The following KDM4C variants were observed in gnomAD, a reference collection of about 807,000 sequenced individuals.
KDM4C encodes lysine-specific demethylase 4C.
Under a neutral mutation model 129.3 loss-of-function variants are expected in KDM4C, and 81 were observed. The ratio of observed to expected loss-of-function variants is 0.63; its 90% CI spans 0.52 to 0.75. The LOEUF is 0.75. KDM4C is among the 30% of genes least tolerant of loss of function. The pLI is 0.00. For missense variants in KDM4C, 1,457 were observed against 1,304.0 expected, an observed-to-expected ratio of 1.12 and a Z score of -1.81; for synonymous variants, 573 against 456.1, an observed-to-expected ratio of 1.26 and a Z score of -3.26.
At chr9:7,037,340 G>C (rs1027386581) in intron 15 of KDM4C, among the ~76,000 whole-genome samples, 1 of 152,106 alleles carries the variant, frequency 6.6e-6, no homozygotes, top group Non-Finnish European at 1.5e-5. Flanking sequence ...TGAGAATGTT[G>C]GTATTGGCAT....
intron 8 of KDM4C, among the ~76,000 whole-genome samples, chr9:6,938,900 A>G (rs973020380): frequency 5.9e-5 from 9 of 152,104 alleles, no homozygotes; most frequent in African/African-American, 2.2e-4. Context: ...CTCATGTTTC[A>G]TTTATGAGGA....
chr9:7,010,449 C>T (rs1042294327), intron 12 of KDM4C, among the ~76,000 whole-genome samples: 1 of 152,174 alleles, frequency 6.6e-6, no homozygotes, highest in Non-Finnish European at 1.5e-5. Context: ...TCTAATTTGA[C>T]TTTTTCTAAA....
intron 8 of KDM4C, among the ~76,000 whole-genome samples, chr9:6,933,959 C>T (rs1036530698): frequency 6.6e-6 from 1 of 151,952 alleles, no homozygotes; most frequent in Non-Finnish European, 1.5e-5. Context: ...AAGTGATTCT[C>T]CTGCCATAGC....
At chr9:6,999,947 A>G (rs1249939407) in intron 12 of KDM4C, among the ~76,000 whole-genome samples, 3 of 152,234 alleles carry the variant, frequency 2.0e-5, no homozygotes, top group Non-Finnish European at 4.4e-5. Context: ...CTATACTTTC[A>G]TAATAAGCAC....
At chr9:6,844,355 C>T (rs995991561) in intron 4 of KDM4C, among the ~76,000 whole-genome samples, 2 of 152,082 alleles carry the variant, frequency 1.3e-5, no homozygotes, top group African/African-American at 4.8e-5. Context: ...TCTAGCCACC[C>T]CTTCACACAC....
chr9:6,987,497 A>C (rs1321655702), intron 11 of KDM4C, among the ~76,000 whole-genome samples: 1 of 152,260 alleles, frequency 6.6e-6, no homozygotes, highest in African/African-American at 2.4e-5. Flanking sequence ...ATCCAGCCTG[A>C]TTAGGGAATT....
intron 17 of KDM4C, among the ~76,000 whole-genome samples, chr9:7,073,564 T>C (rs1341192709): frequency 6.6e-6 from 1 of 152,230 alleles, no homozygotes; most frequent in Non-Finnish European, 1.5e-5. Flanking sequence ...GTTTCCAGTA[T>C]TTTCCAAGAA....
intron 3 of KDM4C, among the ~76,000 whole-genome samples, chr9:6,812,661 C>T (rs1284608725): frequency 6.6e-6 from 1 of 152,158 alleles, no homozygotes; most frequent in Admixed American, 6.5e-5. Context: ...CCACTGACCT[C>T]CTATGCATCC....
chr9:6,794,389 T>C (rs1364601262), intron 2 of KDM4C, among the ~76,000 whole-genome samples: 3 of 152,174 alleles, frequency 2.0e-5, no homozygotes, highest in African/African-American at 7.2e-5. Flanking sequence ...CTGGGAGGAA[T>C]AGGAAGGTGG....
intron 17 of KDM4C, among the ~76,000 whole-genome samples, chr9:7,052,894 AGAGAGAGC>A (rs1554718517): frequency 1.9e-5 from 2 of 105,468 alleles, no homozygotes; most frequent in African/African-American, 7.0e-5. Flanking sequence ...AGAGAGAGAG[AGAGAGAGC>A]GAGCGAGTGC....
intron 15 of KDM4C, among the ~76,000 whole-genome samples, chr9:7,021,669 C>A (rs1376648495): frequency 6.6e-6 from 1 of 152,074 alleles, no homozygotes; most frequent in African/African-American, 2.4e-5. Context: ...GATGTGATCC[C>A]ATTTATCCAT....
At chr9:6,757,408 C>G (rs1818381865), upstream of KDM4C, among the ~76,000 whole-genome samples, 1 of 152,230 alleles carries the variant, frequency 6.6e-6, no homozygotes, top group Non-Finnish European at 1.5e-5. Context: ...GGCTGACACG[C>G]TCCTGCGCGG....
chr9:7,002,055 G>C (rs183341440), intron 12 of KDM4C, among the ~76,000 whole-genome samples: 2 of 152,098 alleles, frequency 1.3e-5, no homozygotes, highest in Admixed American at 1.3e-4. Context: ...ACCACACCTG[G>C]CTAGTTTTTC....
intron 17 of KDM4C, among the ~76,000 whole-genome samples, chr9:7,049,741 C>T (rs947744749): frequency 6.6e-6 from 1 of 152,184 alleles, no homozygotes; most frequent in South Asian, 2.1e-4. Context: ...AAAATCTTCC[C>T]ATTGGTTTCT....
chr9:6,755,339 C>G (rs1362461145), upstream of KDM4C, among the ~76,000 whole-genome samples: 1 of 152,222 alleles, frequency 6.6e-6, no homozygotes, highest in Non-Finnish European at 1.5e-5. Context: ...CCACTGCACT[C>G]CAGCCTGGGC....
At chr9:7,031,168 T>TTATTTATTTATTTATGTATG (rs1371229395) in intron 15 of KDM4C, among the ~76,000 whole-genome samples, 1 of 78,616 alleles carries the variant, frequency 1.3e-5, no homozygotes, top group African/African-American at 4.5e-5. Context: ...ATTTATTTAT[T>TTATTTATTTATTTATGTATG]TATGTATGTT....
chr9:6,914,561 G>C (rs530707242), intron 8 of KDM4C, among the ~76,000 whole-genome samples: 3 of 152,276 alleles, frequency 2.0e-5, no homozygotes, highest in African/African-American at 7.2e-5. Flanking sequence ...AGCATTGTTT[G>C]TATTTATTAT....
chr9:7,128,042 C>A (rs1011332284), intron 18 of KDM4C, 24 bp from the exon 19 acceptor site: 2 of 1,439,856 alleles, frequency 1.4e-6, no homozygotes, highest in Non-Finnish European at 1.8e-6. Flanking sequence ...TTCTTTTCTT[C>A]CTTTTTTGTG....
At position 6,879,883 on chromosome 9, in the gene KDM4C, T is replaced by TA. The variant is rs1844171758; in HGVS notation, c.630-128dup. 4 of 496,034 alleles carry TA rather than the reference T, an allele frequency of 8.1e-6. No individual in the cohort carries two copies. In the East Asian group the frequency reaches 1.2e-4, roughly 15 times the overall value. The allele number at this position is 496,034 out of a possible 1,614,324, so 30.7% of individuals were successfully genotyped here. A position where few individuals can be genotyped will look rare whatever the true frequency, so the allele number is the denominator to read the frequency against. ...ACTCTGTGATTGGCTTTCTAATCTC[T>TA]ACTCAGTTCATCTAAGTGGAGTTTG... On this transcript the variant is annotated intron_variant, in intron 5 of 21. Transcript: ENST00000381309.
Sources: gnomAD v4.1 joint callset for allele counts (sites outside exome capture counted in the v4.1 genomes callset) on GRCh38, gnomAD v4.1.1 for gene constraint, MANE v1.5 for transcripts, NCBI Gene and HGNC (gene_info 2026-07-23, HGNC 2026-07-21) for gene names.